GTF2IRD2B: variants seen among roughly 807,000 people sequenced by gnomAD.
GTF2IRD2B encodes the protein general transcription factor II-I repeat domain-containing protein 2B.
A neutral mutation model predicts 55.6 loss-of-function variants in GTF2IRD2B; 10 were observed. The observed-to-expected ratio is 0.18, with a 90% CI of 0.11 to 0.31. The LOEUF is 0.31. Among genes scored for constraint, GTF2IRD2B ranks in the 10% least tolerant of loss-of-function variants. GTF2IRD2B has a pLI of 1.00. For missense variants in GTF2IRD2B, 206 were observed against 802.7 expected, an observed-to-expected ratio of 0.26 and a Z score of 8.98; for synonymous variants, 107 against 320.5, an observed-to-expected ratio of 0.33 and a Z score of 7.12.
At chr7:75,142,915 ACT>A (rs1584550921) in intron 14 of GTF2IRD2B, among the ~76,000 whole-genome samples, 2 of 116,388 alleles carry the variant, frequency 1.7e-5, no homozygotes, top group East Asian at 4.1e-4. Context: ...TAGAGTTAAT[ACT>A]CTGCAAAAAT....
chr7:75,149,433 T>C lies in GTF2IRD2B; in HGVS notation c.*136T>C. 7.8e-6 allele frequency: 5 copies of C among 643,616 alleles called. No homozygotes were observed. In the South Asian group the frequency reaches 9.3e-5, roughly 12 times the overall value. 39.9% of individuals were successfully genotyped at this position (643,616 alleles called of 1,614,324 possible). On this transcript the variant is annotated 3_prime_UTR_variant, in exon 16 of 16. Coordinates refer to ENST00000472837, the MANE Select transcript of GTF2IRD2B (RefSeq NM_001003795.3). ...TCTTGCTCTGTCGCCCAGGTTGGAG[T>C]GCAGTGGCGTGATCTCGGCTTACTG...
intron 4 of GTF2IRD2B, among the ~76,000 whole-genome samples, chr7:75,122,933 C>T (rs1808427545): frequency 6.7e-6 from 1 of 149,630 alleles, no homozygotes. Context: ...GCCTGTAGTC[C>T]CAGCTACTCG....
chr7:75,147,399 C>T (rs1809179180), intron 15 of GTF2IRD2B, among the ~76,000 whole-genome samples: 1 of 151,978 alleles, frequency 6.6e-6, no homozygotes, highest in Non-Finnish European at 1.5e-5. Context: ...CGCCACTGCA[C>T]TGCAGCCTGG....
At chr7:75,137,066 G>A (rs1808863234) in intron 11 of GTF2IRD2B, among the ~76,000 whole-genome samples, 1 of 150,870 alleles carries the variant, frequency 6.6e-6, no homozygotes, top group Non-Finnish European at 1.5e-5. Flanking sequence ...AGCCAGGCGT[G>A]GTGGTGCATG....
At chr7:75,142,138 GTGT>G (rs1393448771) in intron 13 of GTF2IRD2B, among the ~76,000 whole-genome samples, 10 of 152,358 alleles carry the variant, frequency 6.6e-5, no homozygotes, top group Middle Eastern at 3.4e-3. Context: ...AGTTTTATTT[GTGT>G]TGTTGTTTTT....
intron 1 of GTF2IRD2B, among the ~76,000 whole-genome samples, chr7:75,101,349 T>G (rs71560440): frequency 6.6e-6 from 1 of 151,140 alleles, no homozygotes; most frequent in Non-Finnish European, 1.5e-5. Flanking sequence ...GTGGAAGGAT[T>G]GTTTGAGCCC....
intron 3 of GTF2IRD2B, among the ~76,000 whole-genome samples, chr7:75,118,652 T>C (rs1370658167): frequency 1.4e-5 from 2 of 147,914 alleles, no homozygotes; most frequent in African/African-American, 5.0e-5. Context: ...TAGTACAAGC[T>C]CTATGGAAAA....
intron 15 of GTF2IRD2B, among the ~76,000 whole-genome samples, chr7:75,145,581 A>C (rs1809119786): frequency 1.4e-5 from 2 of 147,532 alleles, no homozygotes; most frequent in Non-Finnish European, 3.0e-5. Flanking sequence ...AGAAATACAA[A>C]AATTAGCCGG....
intron 8 of GTF2IRD2B, among the ~76,000 whole-genome samples, chr7:75,127,024 C>CAAAAAAA (rs1327743794): frequency 6.7e-5 from 5 of 74,620 alleles, no homozygotes; most frequent in African/African-American, 1.8e-4. Context: ...AAAACAAAAA[C>CAAAAAAA]AAAAAAAACA....
intron 6 of GTF2IRD2B, chr7:75,123,740 T>G: frequency 4.6e-6 from 3 of 657,054 alleles, no homozygotes; most frequent in Non-Finnish European, 7.9e-6. Context: ...TAGCCGGGCG[T>G]GGTGGCGGGC....
intron 1 of GTF2IRD2B, among the ~76,000 whole-genome samples, chr7:75,106,125 G>A (rs1554450206): frequency 1.7e-4 from 26 of 152,410 alleles, no homozygotes; most frequent in Admixed American, 5.9e-4. Context: ...AGTTTTGGTC[G>A]GGCTCAGTGG....
At chr7:75,116,330 TATTGTAA>T (rs1295540008) in intron 3 of GTF2IRD2B, among the ~76,000 whole-genome samples, 76 of 147,670 alleles carry the variant, frequency 5.1e-4, no homozygotes, top group Non-Finnish European at 9.5e-4. Flanking sequence ...TTTTTGATGC[TATTGTAA>T]ATGGAATTGT....
chr7:75,118,011 A>G (rs1554451536), intron 3 of GTF2IRD2B, among the ~76,000 whole-genome samples: 2 of 132,198 alleles, frequency 1.5e-5, no homozygotes, highest in African/African-American at 2.9e-5. Context: ...TGAACCCAGG[A>G]GGTGGAGGTT....
chr7:75,112,376 C>G, intron 2 of GTF2IRD2B, 21 bp from the exon 3 acceptor site: 1 of 467,096 alleles, frequency 2.1e-6, no homozygotes, highest in South Asian at 2.2e-5. Context: ...GATAATACAT[C>G]GCTTTTTGTT....
intron 3 of GTF2IRD2B, among the ~76,000 whole-genome samples, chr7:75,119,097 G>A (rs1808267817): frequency 7.4e-6 from 1 of 134,310 alleles, no homozygotes; most frequent in South Asian, 2.5e-4. Context: ...AGGTGGCTGA[G>A]GCACAAGAAT....
intron 8 of GTF2IRD2B, among the ~76,000 whole-genome samples, chr7:75,132,438 C>T (rs1554535077): frequency 2.8e-5 from 4 of 142,918 alleles, no homozygotes; most frequent in Non-Finnish European, 4.5e-5. Flanking sequence ...TGTAAATGCA[C>T]GTGGATATTC....
chr7:75,109,377 T>C, intron 2 of GTF2IRD2B, among the ~76,000 whole-genome samples: 1 of 145,364 alleles, frequency 6.9e-6, no homozygotes. Context: ...CTTGCTCTGC[T>C]GCCCAGGCTG....
In GTF2IRD2B at chr7:75,149,506, G is replaced by A. The variant is rs587601212; in HGVS notation, c.*209G>A. ...AACGATTCTCCTGCCTCAGCCTCCC[G>A]AGCAGCTGGGACTACAGGCATGCGC... On this transcript the variant is annotated 3_prime_UTR_variant, in exon 16 of 16. Transcript: ENST00000472837. The A allele has an allele frequency of 3.6e-4, 199 of 560,020 alleles. 1 individual carries two copies. Among genetic ancestry groups the A allele is most frequent in the African/African-American group, 2.2e-3 (117 of 52,966 alleles). The allele number at this position is 560,020 out of a possible 1,614,324, so 34.7% of individuals were successfully genotyped here. A position where few individuals can be genotyped will look rare whatever the true frequency, so the allele number is the denominator to read the frequency against.
At chr7:75,130,570 C>CG (rs1378654030) in intron 8 of GTF2IRD2B, among the ~76,000 whole-genome samples, 1 of 151,988 alleles carries the variant, frequency 6.6e-6, no homozygotes. Context: ...TTCCGCCCCC[C>CG]GGGTTCAAGT....
Sources: allele counts gnomAD v4.1 joint callset (sites outside exome capture counted in the v4.1 genomes callset), GRCh38; gene constraint gnomAD v4.1.1; transcripts MANE v1.5; gene names NCBI Gene and HGNC (gene_info 2026-07-23, HGNC 2026-07-21).